Variants in RUFY3 observed in about 807,000 individuals in gnomAD.
RUFY3 encodes the protein RUN and FYVE domain containing 3, also known as protein RUFY3.
RUFY3 carries 34 observed loss-of-function variants against 84.0 expected under a neutral mutation model. The ratio of observed to expected loss-of-function variants is 0.40; its 90% CI spans 0.31 to 0.54. The LOEUF (loss-of-function observed/expected upper bound fraction) is 0.54. Among genes scored for constraint, RUFY3 ranks in the 20% least tolerant of loss-of-function variants. The pLI is 0.39. For synonymous variants in RUFY3, 242 were observed against 252.9 expected (o/e 0.96, Z 0.41); for missense variants, 507 against 736.8 (o/e 0.69, Z 3.61).
At chr4:70,783,387 C>G (rs957000736) in intron 9 of RUFY3, among the ~76,000 whole-genome samples, 1 of 152,184 alleles carries the variant, frequency 6.6e-6, no homozygotes. Flanking sequence ...TCACAGCCAC[C>G]TACATCTGTT....
intron 1 of RUFY3, among the ~76,000 whole-genome samples, chr4:70,716,737 G>A (rs1358658698): frequency 1.3e-5 from 2 of 151,476 alleles, no homozygotes; most frequent in East Asian, 1.9e-4. Context: ...CCAGCTACTC[G>A]GGAGTCTGAG....
chr4:70,749,373 A>C (rs369516719), intron 1 of RUFY3, among the ~76,000 whole-genome samples: 1 of 152,164 alleles, frequency 6.6e-6, no homozygotes, highest in African/African-American at 2.4e-5. Context: ...TGTGTTTCCT[A>C]GGGAACTCTT....
At chr4:70,733,766 TAAAAGG>T (rs1244789350) in intron 1 of RUFY3, among the ~76,000 whole-genome samples, 1 of 152,148 alleles carries the variant, frequency 6.6e-6, no homozygotes, top group Non-Finnish European at 1.5e-5. Flanking sequence ...TAAACACAAG[TAAAAGG>T]AAATGTATCA....
upstream of RUFY3, among the ~76,000 whole-genome samples, chr4:70,719,330 G>A (rs1236841358): frequency 2.0e-5 from 3 of 152,194 alleles, no homozygotes; most frequent in East Asian, 3.8e-4. Flanking sequence ...TGGATCTTCC[G>A]AAGGAATGTT....
At position 70,806,805 on chromosome 4, in the gene RUFY3, G is replaced by T. The variant is rs552607169; in HGVS notation, c.*146G>T. 1.0e-6 allele frequency: 1 copy of T among 982,370 alleles called. No homozygotes were observed. The highest frequency in any genetic ancestry group is 1.6e-5 in the African/African-American group (1 of 61,758). The allele number at this position is 982,370 out of a possible 1,614,324, so 60.9% of individuals were successfully genotyped here. ...CTAGGTCCAGGGAGAAAAGGCAGTG[G>T]TTGGGGTTACTGGAAATTTTGCTCA... On this transcript the variant is annotated 3_prime_UTR_variant, in exon 18 of 18. Coordinates refer to ENST00000381006, the MANE Select transcript of RUFY3 (RefSeq NM_001037442.4).
intron 1 of RUFY3, among the ~76,000 whole-genome samples, chr4:70,733,137 GGA>G (rs778346957): frequency 0.029 from 2,530 of 86,234 alleles, 57 homozygotes; most frequent in East Asian, 0.07. Context: ...AGGGAGGGAG[GGA>G]GAGAGAGAGA....
At chr4:70,704,604 A>C, upstream of RUFY3, 32 of 182,110 alleles carry the variant, frequency 1.8e-4, no homozygotes, top group East Asian at 2.8e-4. Context: ...GCCGGAGGGA[A>C]GCGGAAGGTG....
chr4:70,732,869 T>G (rs1719515909), intron 1 of RUFY3, among the ~76,000 whole-genome samples: 1 of 151,794 alleles, frequency 6.6e-6, no homozygotes, highest in Non-Finnish European at 1.5e-5. Flanking sequence ...GTAACAAACC[T>G]GCACGTTTTG....
chr4:70,777,349 T>C (rs1340746251), intron 7 of RUFY3, among the ~76,000 whole-genome samples: 1 of 152,208 alleles, frequency 6.6e-6, no homozygotes, highest in African/African-American at 2.4e-5. Flanking sequence ...TCTCAAGTAC[T>C]TTGATGTTCT....
At chr4:70,765,205 A>ATGTG (rs1553913784) in intron 4 of RUFY3, among the ~76,000 whole-genome samples, 16 of 130,902 alleles carry the variant, frequency 1.2e-4, no homozygotes, top group East Asian at 4.5e-4. Context: ...AAAAAAAAAA[A>ATGTG]TGTGTATATA....
intron 1 of RUFY3, among the ~76,000 whole-genome samples, chr4:70,748,024 C>T (rs940252047): frequency 6.6e-6 from 1 of 152,226 alleles, no homozygotes; most frequent in African/African-American, 2.4e-5. Flanking sequence ...CCCTTCATTT[C>T]CTTTATCTTT....
intron 1 of RUFY3, among the ~76,000 whole-genome samples, chr4:70,725,088 G>A (rs1029875094): frequency 2.0e-5 from 3 of 152,152 alleles, no homozygotes; most frequent in African/African-American, 7.2e-5. Flanking sequence ...ACAGCATAAT[G>A]TTCCCTCTTA....
chr4:70,706,023 C>T (rs1011761804), intron 1 of RUFY3, among the ~76,000 whole-genome samples: 3 of 152,164 alleles, frequency 2.0e-5, no homozygotes, highest in African/African-American at 7.2e-5. Context: ...CGCGAGCGCT[C>T]TGAATGCAGC....
Position 70,793,630 on chromosome 4 carries a change from C to T in RUFY3, c.1338-155C>T, listed in dbSNP as rs138056310. ...TGTTTCTTCTCCATCTTTTCCCCCC[C>T]ATAATTTCTTCACCTGTGTCCTGCA... On this transcript the variant is annotated intron_variant, in intron 12 of 17. Transcript: ENST00000381006. 1.4e-4 allele frequency: 212 copies of T among 1,490,728 alleles called. No homozygotes were observed. The African/African-American group carries it at 2.8e-3, about 20-fold the overall frequency. The allele number at this position is 1,490,728 out of a possible 1,614,324, so 92.3% of individuals were successfully genotyped here.
chr4:70,803,534 G>A (rs1299754087), intron 16 of RUFY3, among the ~76,000 whole-genome samples: 1 of 151,416 alleles, frequency 6.6e-6, no homozygotes, highest in African/African-American at 2.4e-5. Flanking sequence ...GCTCACTGAA[G>A]CCTCAACTTC....
At chr4:70,791,405 CA>C in intron 12 of RUFY3, 1 of 1,452,362 alleles carries the variant, frequency 6.9e-7, no homozygotes, top group South Asian at 1.6e-5. Context: ...AAAATGTCAC[CA>C]AAAAGTTGAC....
intron 5 of RUFY3, among the ~76,000 whole-genome samples, chr4:70,769,051 A>C (rs1255742871): frequency 6.6e-6 from 1 of 152,176 alleles, no homozygotes; most frequent in Admixed American, 6.5e-5. Flanking sequence ...TTCCCAGTAC[A>C]TGTAAAAGTT....
intron 9 of RUFY3, among the ~76,000 whole-genome samples, chr4:70,784,413 G>A (rs577099078): frequency 2.0e-5 from 3 of 152,104 alleles, no homozygotes; most frequent in Admixed American, 6.5e-5. Context: ...AACCCAGGAG[G>A]TGGAGGTTGC....
In RUFY3 at chr4:70,788,818, G is replaced by A. The variant is rs1322765538; in HGVS notation, c.1084G>A (p.Glu362Lys). ...ETQLRLDVEK[E>K]LEMQISMRQE... is the part of the protein sequence containing the mutation. ...CCTTTGGGGGCAGGATGTTGAGAAA[G>A]AACTGGAGATGCAGATCAGCATGAG... The change falls in exon 11 of 18, where the codon GAA becomes AAA. Residue 362 changes from glutamate (E) to lysine (K), a missense_variant. Around this residue, in one of 4 missense-constraint regions of RUFY3, gnomAD observed 334 missense variants for 364.1 expected, o/e 0.92. Transcript: ENST00000381006. The A allele has an allele frequency of 6.2e-7, 1 of 1,613,998 alleles. No homozygotes were observed. The highest frequency in any genetic ancestry group is 1.7e-5 in the Admixed American group (1 of 60,006).
Sources: gnomAD v4.1 joint callset for allele counts (sites outside exome capture counted in the v4.1 genomes callset) on GRCh38, gnomAD v4.1.1 for gene constraint, gnomAD v4.1.1 regional missense constraint, MANE v1.5 for transcripts, NCBI Gene and HGNC (gene_info 2026-07-23, HGNC 2026-07-21) for gene names.